Variants in GABRB2 observed in about 807,000 individuals in gnomAD.
The protein encoded by GABRB2 is gamma-aminobutyric acid type A receptor subunit beta2, also known as gamma-aminobutyric acid receptor subunit beta-2.
A neutral mutation model predicts 54.7 loss-of-function variants in GABRB2; 16 were observed. The ratio of observed to expected loss-of-function variants is 0.29; its 90% CI spans 0.20 to 0.44. The LOEUF is 0.44. GABRB2 is among the 20% of genes least tolerant of loss of function. The probability of loss-of-function intolerance (pLI) is 1.00; values close to 1 mark genes in which losing one functional copy is unlikely to be tolerated. For missense variants in GABRB2, 355 were observed against 644.0 expected (o/e 0.55, Z 4.86); for synonymous variants, 244 against 233.8 (o/e 1.04, Z -0.40).
chr5:161,408,694 A>G (rs1371186143), intron 5 of GABRB2, among the ~76,000 whole-genome samples: 1 of 151,966 alleles, frequency 6.6e-6, no homozygotes, highest in Non-Finnish European at 1.5e-5. Context: ...GGAAAAGAGG[A>G]AAGCAGAGAA....
intron 3 of GABRB2, among the ~76,000 whole-genome samples, chr5:161,529,774 GT>G (rs751029487): frequency 6.6e-6 from 1 of 151,730 alleles, no homozygotes; most frequent in Non-Finnish European, 1.5e-5. Flanking sequence ...TAAAATTTTG[GT>G]TTTAAACTAT....
intron 9 of GABRB2, among the ~76,000 whole-genome samples, chr5:161,304,936 T>C (rs932888871): frequency 1.1e-4 from 16 of 151,878 alleles, no homozygotes; most frequent in African/African-American, 3.9e-4. Context: ...GGGAAAAAGA[T>C]TGGGATCAGA....
At chr5:161,497,720 C>T (rs1421961634) in intron 3 of GABRB2, among the ~76,000 whole-genome samples, 1 of 152,086 alleles carries the variant, frequency 6.6e-6, no homozygotes, top group Non-Finnish European at 1.5e-5. Flanking sequence ...TCCACTCTGC[C>T]CTCTAGAACA....
intron 3 of GABRB2, among the ~76,000 whole-genome samples, chr5:161,544,400 C>T (rs921150984): frequency 2.0e-5 from 3 of 152,126 alleles, no homozygotes; most frequent in Admixed American, 1.3e-4. Context: ...TATGTGGGGG[C>T]GTCTGGGACG....
chr5:161,544,420 G>T (rs1208047325), intron 3 of GABRB2, among the ~76,000 whole-genome samples: 3 of 152,158 alleles, frequency 2.0e-5, no homozygotes, highest in African/African-American at 4.8e-5. Context: ...GCTTGTCATC[G>T]CATTGCATGT....
At chr5:161,417,688 C>CTG (rs1756719782) in intron 4 of GABRB2, among the ~76,000 whole-genome samples, 1 of 152,100 alleles carries the variant, frequency 6.6e-6, no homozygotes, top group South Asian at 2.1e-4. Flanking sequence ...GCTGTTCATT[C>CTG]TGTTTTAGTC....
intron 9 of GABRB2, among the ~76,000 whole-genome samples, chr5:161,313,277 A>G (rs1050706445): frequency 2.0e-5 from 3 of 152,178 alleles, no homozygotes; most frequent in African/African-American, 7.2e-5. Context: ...AAATGATAGA[A>G]TCCTTTAAAC....
rs571101068 is a variant in GABRB2, at chr5:161,331,621, G to T, written c.833-494C>A. 5.9e-5 allele frequency among the ~76,000 whole-genome samples: 9 copies of T among 152,232 alleles called. No individual in the cohort carries two copies. The South Asian group carries it at 1.7e-3, about 28-fold the overall frequency. On this transcript the variant is annotated intron_variant, in intron 7 of 9. Coordinates refer to ENST00000393959, the MANE Select transcript of GABRB2 (RefSeq NM_001371727.1). ...AGCTTTTATATCAAGGTTGGATTTG[G>T]GGGAGAGTACACAGTCCATTACCAT...
Position 161,452,546 on chromosome 5 carries a change from A to G in GABRB2, c.458+7078T>C, listed in dbSNP as rs868716047. 2.0e-5 allele frequency among the ~76,000 whole-genome samples: 3 copies of G among 152,282 alleles called. No individual in the cohort carries two copies. In the Middle Eastern group the frequency reaches 0.01, roughly 518 times the overall value. On this transcript the variant is annotated intron_variant, in intron 4 of 9. Coordinates refer to ENST00000393959, the MANE Select transcript of GABRB2 (RefSeq NM_001371727.1). Reference sequence around the variant, plus strand: ...CAACACCAGATTAAATCTGATTTTTACCTGCTTGCGCTTCAGCTGAGTTCA... The same window carrying G: ...CAACACCAGATTAAATCTGATTTTTGCCTGCTTGCGCTTCAGCTGAGTTCA...
intron 3 of GABRB2, among the ~76,000 whole-genome samples, chr5:161,535,819 T>G (rs187385377): frequency 1.2e-3 from 179 of 152,248 alleles, no homozygotes; most frequent in Middle Eastern, 3.4e-3. Context: ...TGTTGGGAGT[T>G]TGGGCCTAAT....
chr5:161,407,264 C>T (rs1160009151), intron 5 of GABRB2, among the ~76,000 whole-genome samples: 1 of 152,066 alleles, frequency 6.6e-6, no homozygotes. Flanking sequence ...GCACAGAATA[C>T]AGCAGAGTAT....
At chr5:161,524,629 G>C (rs537881025) in intron 3 of GABRB2, among the ~76,000 whole-genome samples, 4 of 151,314 alleles carry the variant, frequency 2.6e-5, no homozygotes, top group African/African-American at 9.7e-5. Flanking sequence ...AAGTTTTAAC[G>C]CAATCCTAGT....
intron 5 of GABRB2, among the ~76,000 whole-genome samples, chr5:161,352,612 T>G (rs965571915): frequency 1.8e-4 from 27 of 151,982 alleles, no homozygotes; most frequent in Admixed American, 9.2e-4. Context: ...ATAGGAGAGA[T>G]AAATTCAAAA....
intron 3 of GABRB2, among the ~76,000 whole-genome samples, chr5:161,519,839 G>A (rs10074319): frequency 1 from 151,646 of 152,250 alleles, 75,528 homozygotes; most frequent in East Asian, 1. Flanking sequence ...TTTTTAATCT[G>A]TGAAACTTGT....
intron 3 of GABRB2, among the ~76,000 whole-genome samples, chr5:161,479,508 T>G (rs1236999546): frequency 1.3e-5 from 2 of 151,974 alleles, no homozygotes; most frequent in Non-Finnish European, 2.9e-5. Context: ...ACCAAAAATT[T>G]GAAGACCATG....
chr5:161,468,038 T>C (rs1283722107), intron 3 of GABRB2, among the ~76,000 whole-genome samples: 1 of 152,072 alleles, frequency 6.6e-6, no homozygotes, highest in African/African-American at 2.4e-5. Flanking sequence ...CAGCTTTATT[T>C]CCAAATATTG....
intron 9 of GABRB2, among the ~76,000 whole-genome samples, chr5:161,307,740 T>C (rs1368230563): frequency 6.6e-6 from 1 of 152,152 alleles, no homozygotes; most frequent in Non-Finnish European, 1.5e-5. Context: ...GGGTAGGTGT[T>C]AGATGTTTTG....
chr5:161,479,265 A>G (rs1244650698), intron 3 of GABRB2, among the ~76,000 whole-genome samples: 2 of 152,068 alleles, frequency 1.3e-5, no homozygotes, highest in Non-Finnish European at 2.9e-5. Flanking sequence ...TATACACTGA[A>G]TGCACAAACA....
At chr5:161,333,397 A>C (rs1753909914) in intron 7 of GABRB2, among the ~76,000 whole-genome samples, 1 of 152,138 alleles carries the variant, frequency 6.6e-6, no homozygotes, top group African/African-American at 2.4e-5. Context: ...CACACAGGGG[A>C]GGTCTATGGT....
Sources: allele counts gnomAD v4.1 joint callset (sites outside exome capture counted in the v4.1 genomes callset), GRCh38; gene constraint gnomAD v4.1.1; transcripts MANE v1.5; gene names NCBI Gene and HGNC (gene_info 2026-07-23, HGNC 2026-07-21).